The following GARIN1A variants were observed in gnomAD, a reference collection of about 807,000 sequenced individuals.
GARIN1A encodes Golgi-associated RAB2 interactor protein 1A.
At chr7:128,708,351 G>A in the GARIN1A span, among the ~76,000 whole-genome samples, 27,186 of 151,926 alleles carry the variant, frequency 0.18, 2,831 homozygotes, top group African/African-American at 0.28. Flanking sequence ...TTAAGGCTGA[G>A]TGTCTCCTGA....
At chr7:128,674,415 G>A in the GARIN1A span, among the ~76,000 whole-genome samples, 5 of 152,202 alleles carry the variant, frequency 3.3e-5, no homozygotes, top group East Asian at 1.9e-4. Flanking sequence ...ATGAATGACC[G>A]CACACAGTCC....
At chr7:128,708,017 G>C in the GARIN1A span, among the ~76,000 whole-genome samples, 1 of 110,430 alleles carries the variant, frequency 9.1e-6, no homozygotes, top group African/African-American at 3.8e-5. Context: ...CTTTTCTTTT[G>C]TTTTCTTTTA....
the GARIN1A span, among the ~76,000 whole-genome samples, chr7:128,707,728 C>T: frequency 6.6e-6 from 1 of 152,064 alleles, no homozygotes; most frequent in Non-Finnish European, 1.5e-5. Context: ...ACTGGGATTA[C>T]AGATGTGAGC....
At chr7:128,673,905 C>CTTAATGTGTGCTTTTTTTTT in the GARIN1A span, among the ~76,000 whole-genome samples, 2 of 152,090 alleles carry the variant, frequency 1.3e-5, no homozygotes, top group Non-Finnish European at 2.9e-5. Flanking sequence ...AATTTCTTCT[C>CTTAATGTGTGCTTTTTTTTT]TTAATGTGTG....
chr7:128,705,441 C>CG, the GARIN1A span, among the ~76,000 whole-genome samples: 2 of 152,184 alleles, frequency 1.3e-5, no homozygotes, highest in East Asian at 3.9e-4. Flanking sequence ...AGCTGCACAT[C>CG]GGGGGACTGA....
chr7:128,705,496 C>A, the GARIN1A span, among the ~76,000 whole-genome samples: 1 of 151,984 alleles, frequency 6.6e-6, no homozygotes, highest in Non-Finnish European at 1.5e-5. Context: ...TATCACTTCC[C>A]CTTCTATAAT....
At chr7:128,701,546 A>G in the GARIN1A span, among the ~76,000 whole-genome samples, 3 of 152,042 alleles carry the variant, frequency 2.0e-5, no homozygotes, top group Non-Finnish European at 2.9e-5. Context: ...TGGATCGCAC[A>G]GTCTAAGCTA....
chr7:128,674,181 A>G, the GARIN1A span, among the ~76,000 whole-genome samples: 1 of 152,106 alleles, frequency 6.6e-6, no homozygotes, highest in African/African-American at 2.4e-5. Flanking sequence ...GCCTAATATT[A>G]AAACTGTTTA....
At chr7:128,683,201 C>T in the GARIN1A span, 3 of 1,437,534 alleles carry the variant, frequency 2.1e-6, no homozygotes, top group Non-Finnish European at 1.9e-6. Flanking sequence ...CGTGTACTTG[C>T]TACCACCTCT....
chr7:128,674,914 G>C, the GARIN1A span, among the ~76,000 whole-genome samples: 2 of 152,182 alleles, frequency 1.3e-5, no homozygotes, highest in Non-Finnish European at 2.9e-5. Context: ...GGGCAACATA[G>C]TGAGACCCCA....
At chr7:128,672,497 C>T in the GARIN1A span, 6 of 1,609,554 alleles carry the variant, frequency 3.7e-6, no homozygotes, top group African/African-American at 5.3e-5. Context: ...GATTCATTCT[C>T]CAGAATTCAA....
chr7:128,676,075 A>C, the GARIN1A span, among the ~76,000 whole-genome samples: 3 of 144,010 alleles, frequency 2.1e-5, no homozygotes, highest in African/African-American at 7.9e-5. Context: ...GCTGGAGTGC[A>C]GTGGCGGGAT....
the GARIN1A span, among the ~76,000 whole-genome samples, chr7:128,707,858 T>A: frequency 6.6e-6 from 1 of 152,252 alleles, no homozygotes; most frequent in African/African-American, 2.4e-5. Flanking sequence ...CAGGATTTCC[T>A]TTCTTCCTTT....
chr7:128,677,724 A>C, the GARIN1A span: 1 of 1,613,852 alleles, frequency 6.2e-7, no homozygotes, highest in South Asian at 1.1e-5. Context: ...AATTCTGCAG[A>C]AAGGCCTGTC....
At chr7:128,698,550 G>A in the GARIN1A span, among the ~76,000 whole-genome samples, 6 of 152,184 alleles carry the variant, frequency 3.9e-5, no homozygotes, top group African/African-American at 1.4e-4. Context: ...CTAGATACCT[G>A]TTCTGTCCAT....
chr7:128,683,192 G>T, the GARIN1A span: 1 of 1,507,292 alleles, frequency 6.6e-7, no homozygotes, highest in Non-Finnish European at 9.1e-7. Flanking sequence ...CCTTGCATAC[G>T]TGTACTTGCT....
chr7:128,696,995 G>T, the GARIN1A span, among the ~76,000 whole-genome samples: 1 of 152,178 alleles, frequency 6.6e-6, no homozygotes, highest in Non-Finnish European at 1.5e-5. Context: ...AAGGGAAGAT[G>T]GTACTTTGGG....
At chr7:128,699,268 C>CG in the GARIN1A span, among the ~76,000 whole-genome samples, 2 of 142,738 alleles carry the variant, frequency 1.4e-5, no homozygotes, top group East Asian at 2.0e-4. Context: ...CTGCCCCCCC[C>CG]CCCCCACCAC....
chr7:128,690,008 C>A, the GARIN1A span, among the ~76,000 whole-genome samples: 1 of 152,172 alleles, frequency 6.6e-6, no homozygotes, highest in East Asian at 1.9e-4. Flanking sequence ...CAGATTGTTG[C>A]TGTGTCTGTG....
Sources: allele counts gnomAD v4.1 joint callset (sites outside exome capture counted in the v4.1 genomes callset), GRCh38; gene constraint gnomAD v4.1.1; transcripts MANE v1.5; gene names NCBI Gene and HGNC (gene_info 2026-07-23, HGNC 2026-07-21).